The following FGD4 variants were observed in gnomAD, a reference collection of about 807,000 sequenced individuals.
FGD4 encodes the protein FYVE, RhoGEF and PH domain containing 4.
Under a neutral mutation model 102.0 loss-of-function variants are expected in FGD4, and 42 were observed. The observed-to-expected ratio is 0.41, with a 90% CI of 0.32 to 0.53. The LOEUF is 0.53. Ranked by LOEUF, FGD4 falls within the 20% of genes least tolerant of loss-of-function variation. The pLI, the probability that FGD4 is intolerant of heterozygous loss-of-function variation, is 0.21. For synonymous variants in FGD4, 380 were observed against 375.7 expected, an observed-to-expected ratio of 1.01 and a Z score of -0.13; for missense variants, 902 against 1,078.2, an observed-to-expected ratio of 0.84 and a Z score of 2.29.
chr12:32,621,912 G>C (rs4931644), intron 11 of FGD4, among the ~76,000 whole-genome samples: 15,447 of 150,198 alleles, frequency 0.1, 902 homozygotes, highest in Middle Eastern at 0.19. Flanking sequence ...TTTGGAGACA[G>C]AGTCTCACTC....
At chr12:32,630,768 A>G (rs772909670) in intron 14 of FGD4, among the ~76,000 whole-genome samples, 1 of 151,660 alleles carries the variant, frequency 6.6e-6, no homozygotes, top group Non-Finnish European at 1.5e-5. Flanking sequence ...GTGAGCCGAG[A>G]TCGCGCCACT....
chr12:32,440,687 C>T (rs1022798087), intron 1 of FGD4, among the ~76,000 whole-genome samples: 1 of 152,236 alleles, frequency 6.6e-6, no homozygotes, highest in African/African-American at 2.4e-5. Context: ...TGCCTATGTT[C>T]GCTCAAGGCC....
At chr12:32,409,363 C>A (rs2253237) in intron 1 of FGD4, among the ~76,000 whole-genome samples, 1 of 149,876 alleles carries the variant, frequency 6.7e-6, no homozygotes, top group Admixed American at 6.7e-5. Flanking sequence ...ATCTCCGCTC[C>A]CTGCAACCTC....
At chr12:32,508,858 A>G (rs1939058744) in intron 1 of FGD4, among the ~76,000 whole-genome samples, 1 of 152,238 alleles carries the variant, frequency 6.6e-6, no homozygotes, top group Non-Finnish European at 1.5e-5. Flanking sequence ...TACAGAGCAC[A>G]TGAGCATTGG....
At chr12:32,545,704 C>G (rs549930258) in intron 1 of FGD4, among the ~76,000 whole-genome samples, 1 of 152,250 alleles carries the variant, frequency 6.6e-6, no homozygotes, top group African/African-American at 2.4e-5. Context: ...GTTACTGGTC[C>G]CACGTGGTGC....
intron 1 of FGD4, among the ~76,000 whole-genome samples, chr12:32,418,184 C>T (rs539246537): frequency 6.6e-6 from 1 of 151,990 alleles, no homozygotes; most frequent in Non-Finnish European, 1.5e-5. Context: ...TCTTGATCTC[C>T]TGACCTCGTG....
At chr12:32,473,911 C>A (rs1448422700) in intron 1 of FGD4, among the ~76,000 whole-genome samples, 1 of 151,954 alleles carries the variant, frequency 6.6e-6, no homozygotes, top group African/African-American at 2.4e-5. Context: ...CATGGTGAAA[C>A]CCTGTCTCTA....
intron 1 of FGD4, among the ~76,000 whole-genome samples, chr12:32,492,782 T>C (rs1451533639): frequency 6.6e-6 from 1 of 152,216 alleles, no homozygotes; most frequent in Non-Finnish European, 1.5e-5. Context: ...TTATTTCTCT[T>C]ATTTTTTTTT....
intron 15 of FGD4, among the ~76,000 whole-genome samples, chr12:32,636,346 G>A (rs1025466327): frequency 2.6e-5 from 4 of 151,826 alleles, no homozygotes; most frequent in Admixed American, 6.6e-5. Flanking sequence ...CCAGCCTGAC[G>A]AACATGGTGA....
At chr12:32,420,232 C>G (rs1182470499) in intron 1 of FGD4, among the ~76,000 whole-genome samples, 1 of 152,112 alleles carries the variant, frequency 6.6e-6, no homozygotes, top group Non-Finnish European at 1.5e-5. Flanking sequence ...TTTTCATGCC[C>G]TAACAGTTCC....
At chr12:32,446,381 G>A (rs1942616322) in intron 1 of FGD4, among the ~76,000 whole-genome samples, 2 of 152,052 alleles carry the variant, frequency 1.3e-5, no homozygotes, top group African/African-American at 4.8e-5. Context: ...GAAGCCCAAT[G>A]TAACAGTAAC....
In FGD4 at chr12:32,610,964, T is replaced by G. The variant is rs913892669; in HGVS notation, c.1602+130T>G. The G allele has an allele frequency of 2.7e-5, 34 of 1,266,838 alleles. 1 individual carries two copies. Among genetic ancestry groups the G allele is most frequent in the African/African-American group, 4.5e-5 (3 of 67,098 alleles). 78.5% of individuals were successfully genotyped at this position (1,266,838 alleles called of 1,614,324 possible). ...CCAAAAAGAATGTTTATGAAATGTT[T>G]AATGTTATCTGGAATAATTCTCTGA... On this transcript the variant is annotated intron_variant, in intron 9 of 16. Transcript: ENST00000534526.
chr12:32,611,034 TC>T (rs1227886524), intron 9 of FGD4, 102 bp from the exon 10 acceptor site: 8 of 1,419,514 alleles, frequency 5.6e-6, no homozygotes, highest in Non-Finnish European at 7.9e-6. Context: ...GTATGCTTAC[TC>T]CTAATCCCTT....
At chr12:32,633,784 C>G (rs1043757554) in intron 15 of FGD4, 95 bp downstream of exon 15, 3 of 1,119,618 alleles carry the variant, frequency 2.7e-6, no homozygotes, top group Non-Finnish European at 3.8e-6. Context: ...GGCACGATCT[C>G]AGCTCACTGC....
intron 3 of FGD4, among the ~76,000 whole-genome samples, chr12:32,577,128 C>T (rs911787148): frequency 6.6e-6 from 1 of 152,144 alleles, no homozygotes; most frequent in South Asian, 2.1e-4. Context: ...TAAAGATAAA[C>T]AGAACCCACA....
intron 1 of FGD4, among the ~76,000 whole-genome samples, chr12:32,535,705 T>C (rs1475324369): frequency 1.3e-5 from 2 of 152,076 alleles, no homozygotes; most frequent in Admixed American, 6.6e-5. Flanking sequence ...AAGTTTTAGG[T>C]TCTCTTTTTC....
At chr12:32,422,823 T>C (rs1226126175) in intron 1 of FGD4, among the ~76,000 whole-genome samples, 1 of 152,198 alleles carries the variant, frequency 6.6e-6, no homozygotes, top group Non-Finnish European at 1.5e-5. Flanking sequence ...TTGAGTCAGC[T>C]ATTATTTACT....
intron 1 of FGD4, chr12:32,534,258 G>A: frequency 6.3e-6 from 8 of 1,276,668 alleles, no homozygotes; most frequent in Non-Finnish European, 8.0e-6. Context: ...GTCCTCTGGG[G>A]AGGTGTGGCA....
intron 15 of FGD4, among the ~76,000 whole-genome samples, chr12:32,636,011 C>CTAATAA (rs147444731): frequency 0.012 from 1,756 of 146,804 alleles, 14 homozygotes; most frequent in African/African-American, 0.019. Flanking sequence ...GACTCTGTCT[C>CTAATAA]TAATAATAAT....
Sources: allele counts gnomAD v4.1 joint callset (sites outside exome capture counted in the v4.1 genomes callset), GRCh38; gene constraint gnomAD v4.1.1; transcripts MANE v1.5; gene names NCBI Gene and HGNC (gene_info 2026-07-23, HGNC 2026-07-21).